ERN1: variants seen among roughly 807,000 people sequenced by gnomAD.
ERN1 encodes endoplasmic reticulum to nucleus signaling 1.
ERN1 carries 39 observed loss-of-function variants against 113.1 expected under a neutral mutation model. The ratio of observed to expected loss-of-function variants is 0.34; its 90% CI spans 0.27 to 0.45. ERN1 has a LOEUF of 0.45. ERN1 is among the 20% of genes least tolerant of loss of function. ERN1 has a pLI of 1.00. For synonymous variants in ERN1, 507 were observed against 515.9 expected (o/e 0.98, Z 0.23); for missense variants, 976 against 1,274.8 (o/e 0.77, Z 3.57).
intron 11 of ERN1, among the ~76,000 whole-genome samples, chr17:64,058,892 T>G (rs548423134): frequency 2.6e-5 from 4 of 152,170 alleles, no homozygotes; most frequent in African/African-American, 7.2e-5. Context: ...CCCACATTTT[T>G]GGGGGTTTGT....
intron 11 of ERN1, 22 bp downstream of exon 11, chr17:64,060,447 G>A (rs373456985): frequency 1.9e-5 from 28 of 1,503,066 alleles, no homozygotes; most frequent in Middle Eastern, 1.7e-4. Flanking sequence ...AACAACCCCC[G>A]ACTGGTCGCT....
chr17:64,062,432 A>T (rs546663557), intron 10 of ERN1, among the ~76,000 whole-genome samples: 116 of 152,400 alleles, frequency 7.6e-4, no homozygotes, highest in African/African-American at 2.7e-3. Flanking sequence ...ACACTGCCAT[A>T]GTCTCAGTGC....
intron 6 of ERN1, among the ~76,000 whole-genome samples, 159 bp downstream of exon 6, chr17:64,071,822 C>T (rs910776790): frequency 6.6e-6 from 1 of 152,124 alleles, no homozygotes; most frequent in East Asian, 1.9e-4. Context: ...CCCTTGCACA[C>T]TGGGGGGACA....
chr17:64,044,782 A>C lies in ERN1; in HGVS notation c.2721+78T>G. The C allele has an allele frequency of 1.0e-6, 1 of 992,288 alleles. No homozygotes were observed. Among genetic ancestry groups the C allele is most frequent in the Non-Finnish European group, 1.6e-6 (1 of 640,052 alleles). The allele number at this position is 992,288 out of a possible 1,614,324, so 61.5% of individuals were successfully genotyped here. On this transcript the variant is annotated intron_variant, in intron 21 of 21. Transcript: ENST00000433197. The surrounding 1 kb of genome is among the most constrained non-coding windows in gnomAD (Gnocchi z 4.1). ...GAATGCCAGTACAGATAAAAGATTT[A>C]TAAAGAATGGATGAAAGGAGGAAGG...
rs990976590 is a variant in ERN1, at chr17:64,129,489, T to C, written c.54+487A>G. ...TCGTTCCCCAAAGTTTTCGAATTTT[T>C]AAAAAGTTCAAACAAGGATTCGAAG... On this transcript the variant is annotated intron_variant, in intron 1 of 21. Transcript: ENST00000433197. The C allele has an allele frequency of 1.2e-5, 3 of 252,608 alleles. No homozygotes were observed. The Admixed American group carries it at 1.7e-4, about 14-fold the overall frequency. 15.6% of individuals were successfully genotyped at this position (252,608 alleles called of 1,614,324 possible). A position where few individuals can be genotyped will look rare whatever the true frequency, so the allele number is the denominator to read the frequency against.
chr17:64,070,524 T>C (rs985315024), intron 6 of ERN1, among the ~76,000 whole-genome samples: 2 of 152,186 alleles, frequency 1.3e-5, no homozygotes, highest in Non-Finnish European at 2.9e-5. Context: ...AAGCAGTCAC[T>C]ACAGTCAGAA....
Position 64,057,907 on chromosome 17 carries a change from G to C in ERN1, c.1293C>G (p.Ala431=). Residue 431 remains alanine (A), a synonymous_variant, in exon 12 of 22, where the codon GCC becomes GCG. Coordinates refer to ENST00000433197, the MANE Select transcript of ERN1 (RefSeq NM_001433.5). The part of the protein sequence containing the change: ...DVEEKPAHAP[A]RPEAPVDSML... ...TGGAGTCCACGGGGGCCTCGGGCCG[G>C]GCAGGGGCATGGGCGGGCTTCTCCT... The C allele has an allele frequency of 1.2e-6, 2 of 1,613,004 alleles. No homozygotes were observed. The highest frequency in any genetic ancestry group is 1.7e-6 in the Non-Finnish European group (2 of 1,179,494).
chr17:64,062,262 C>T (rs1913077775), intron 10 of ERN1, among the ~76,000 whole-genome samples: 1 of 152,280 alleles, frequency 6.6e-6, no homozygotes, highest in Non-Finnish European at 1.5e-5. Flanking sequence ...GGCTTTGGGG[C>T]AACCCACAGA....
rs2302239 is a variant in ERN1 at position 64,060,535 on chromosome 17, G to A, written c.1140C>T (p.Pro380=). 87 of 1,613,858 alleles carry A rather than the reference G, an allele frequency of 5.4e-5. No individual in the cohort carries two copies. The East Asian group carries it at 8.0e-4, about 15-fold the overall frequency. Residue 380 remains proline (P), a synonymous_variant, in exon 11 of 22, where the codon CCC becomes CCT. Coordinates refer to ENST00000433197, the MANE Select transcript of ERN1 (RefSeq NM_001433.5). ...TTTCCCGATGTTTGGGTAGATTGTT[G>A]GGAAATCTCTCCAGCATCTTGGTAG... ...SASTKMLERF[P]NNLPKHRENV... is the part of the protein sequence containing the mutation.
intron 2 of ERN1, among the ~76,000 whole-genome samples, chr17:64,086,407 A>C (rs1249583834): frequency 6.6e-6 from 1 of 151,994 alleles, no homozygotes; most frequent in Non-Finnish European, 1.5e-5. Context: ...TATCTCACAT[A>C]ATGTCTTGGA....
At chr17:64,115,190 G>A (rs899635589) in intron 1 of ERN1, among the ~76,000 whole-genome samples, 1 of 152,124 alleles carries the variant, frequency 6.6e-6, no homozygotes, top group South Asian at 2.1e-4. Flanking sequence ...TTGGCTCATG[G>A]TCTCACATTA....
At chr17:64,077,749 CT>C (rs368774351) in intron 4 of ERN1, among the ~76,000 whole-genome samples, 27,557 of 143,976 alleles carry the variant, frequency 0.19, 2,588 homozygotes, top group East Asian at 0.33. Context: ...TGCATTTCTT[CT>C]TTTTTTTTTT....
intron 1 of ERN1, among the ~76,000 whole-genome samples, chr17:64,099,572 T>C (rs1914327175): frequency 6.6e-6 from 1 of 152,134 alleles, no homozygotes; most frequent in Non-Finnish European, 1.5e-5. Flanking sequence ...CTGCAACAGT[T>C]TGAATTCTGG....
At chr17:64,089,689 C>A (rs1025957420) in intron 2 of ERN1, among the ~76,000 whole-genome samples, 1 of 151,962 alleles carries the variant, frequency 6.6e-6, no homozygotes, top group African/African-American at 2.4e-5. Flanking sequence ...ACAGATAGAC[C>A]CGAGCCGGGG....
chr17:64,095,597 T>C lies in ERN1; in HGVS notation c.175+2524A>G, dbSNP rs551217361. On this transcript the variant is annotated intron_variant, in intron 2 of 21. Coordinates refer to ENST00000433197, the MANE Select transcript of ERN1 (RefSeq NM_001433.5). The stretch of plus-strand genomic sequence containing the variant: ...TCCCTCCTCCCTTTCCAGGTCTGCT[T>C]CCTGTTTCTAGTCATCCCACACACA... 7.2e-5 allele frequency among the ~76,000 whole-genome samples: 11 copies of C among 152,184 alleles called. 1 individual carries two copies. In the South Asian group the frequency reaches 2.3e-3, roughly 32 times the overall value.
At chr17:64,085,061 G>A (rs1168475760) in intron 2 of ERN1, among the ~76,000 whole-genome samples, 1 of 152,166 alleles carries the variant, frequency 6.6e-6, no homozygotes, top group Non-Finnish European at 1.5e-5. Flanking sequence ...GCCACGGAGG[G>A]TTGGGATTTA....
intron 1 of ERN1, chr17:64,128,956 G>A (rs1050079517): frequency 2.0e-5 from 3 of 152,120 alleles, no homozygotes; most frequent in African/African-American, 7.2e-5. Context: ...GCTCTACTGG[G>A]ACACCTGGTA....
At position 64,044,938 on chromosome 17, in the gene ERN1, A is replaced by C; in HGVS notation, c.2654-11T>G. 1 of 1,573,710 alleles carries C rather than the reference A, an allele frequency of 6.4e-7. No homozygotes were observed. The highest frequency in any genetic ancestry group is 8.7e-7 in the Non-Finnish European group (1 of 1,154,330). The stretch of plus-strand genomic sequence containing the variant: ...TGAATTTACGCAGGTCTAGAAAAAC[A>C]TTGAGGGAAGCAATGGGTAATCAAA... On this transcript the variant is annotated splice_polypyrimidine_tract_variant and intron_variant, in intron 20 of 21. Coordinates refer to ENST00000433197, the MANE Select transcript of ERN1 (RefSeq NM_001433.5). The surrounding 1 kb of genome is among the most constrained non-coding windows in gnomAD (Gnocchi z 4.1).
At chr17:64,057,076 C>T (rs1912894631) in intron 12 of ERN1, among the ~76,000 whole-genome samples, 1 of 152,228 alleles carries the variant, frequency 6.6e-6, no homozygotes, top group African/African-American at 2.4e-5. Flanking sequence ...GATGGCCACA[C>T]TGCCTTTTTC....
Sources: allele counts gnomAD v4.1 joint callset (sites outside exome capture counted in the v4.1 genomes callset), GRCh38; gene constraint gnomAD v4.1.1; non-coding constraint Gnocchi (gnomAD v3.1); transcripts MANE v1.5; gene names NCBI Gene and HGNC (gene_info 2026-07-23, HGNC 2026-07-21).